Variants in FOXK2 observed in about 807,000 individuals in gnomAD.
The protein encoded by FOXK2 is forkhead box K2.
In FOXK2, 24 loss-of-function variants were observed where a neutral mutation model predicts 53.3. The ratio of observed to expected loss-of-function variants is 0.45; its 90% CI spans 0.33 to 0.63. The LOEUF is 0.63. Ranked by LOEUF, FOXK2 falls within the 30% of genes least tolerant of loss-of-function variation. The probability of loss-of-function intolerance (pLI) is 0.03; values close to 1 mark genes in which losing one functional copy is unlikely to be tolerated. For synonymous variants in FOXK2, 505 were observed against 407.1 expected (o/e 1.24, Z -2.89); for missense variants, 952 against 910.5 (o/e 1.05, Z -0.59).
chr17:82,562,363 G>A (rs980420097), intron 1 of FOXK2, among the ~76,000 whole-genome samples: 1 of 152,172 alleles, frequency 6.6e-6, no homozygotes, highest in Non-Finnish European at 1.5e-5. Flanking sequence ...GGCGGATCAC[G>A]TGAGGTCGCG....
chr17:82,571,610 A>G (rs1051984597), intron 3 of FOXK2, 114 bp from the exon 4 acceptor site: 10 of 1,124,850 alleles, frequency 8.9e-6, no homozygotes, highest in Admixed American at 3.7e-5. Flanking sequence ...CAAAAAAAAG[A>G]CAAATGAGGT....
chr17:82,582,194 A>T (rs1227936954), intron 4 of FOXK2, among the ~76,000 whole-genome samples: 1 of 152,186 alleles, frequency 6.6e-6, no homozygotes, highest in South Asian at 2.1e-4. Context: ...CAGCTAAGTC[A>T]TTGCCTCCAC....
intron 1 of FOXK2, among the ~76,000 whole-genome samples, chr17:82,529,325 C>T (rs922266935): frequency 2.0e-4 from 29 of 144,542 alleles, no homozygotes; most frequent in Non-Finnish European, 1.9e-4. Context: ...CGGGTTCAAG[C>T]GATTCTCCTG....
At chr17:82,592,758 G>A (rs1019918057) in intron 8 of FOXK2, among the ~76,000 whole-genome samples, 4 of 152,234 alleles carry the variant, frequency 2.6e-5, no homozygotes, top group African/African-American at 9.6e-5. Flanking sequence ...CAGCTGTGGC[G>A]CCTGGTGTGA....
intron 8 of FOXK2, chr17:82,593,467 G>T (rs8073640): frequency 0.17 from 25,936 of 152,482 alleles, 2,369 homozygotes; most frequent in Middle Eastern, 0.23. Context: ...CCTGTTCACC[G>T]CGTGCTGTGC....
rs1233582779 is a variant in FOXK2, at chr17:82,520,218, C to T, written c.330C>T (p.Asp110=). The T allele has an allele frequency of 1.5e-6, 2 of 1,325,438 alleles. No homozygotes were observed. The highest frequency in any genetic ancestry group is 3.1e-5 in the African/African-American group (2 of 64,504). 82.1% of individuals were successfully genotyped at this position (1,325,438 alleles called of 1,614,324 possible). ...PAQPRPDAGG[D]FYLRCLGKNG... is the part of the protein sequence containing the mutation. The stretch of plus-strand genomic sequence containing the variant: ...AGCCCAGGCCCGACGCCGGCGGCGA[C>T]TTCTACCTGCGCTGCTTGGGCAAGA... The change falls in exon 1 of 9, where the codon GAC becomes GAT. Residue 110 remains aspartate, a synonymous_variant. Transcript: ENST00000335255.
intron 1 of FOXK2, among the ~76,000 whole-genome samples, chr17:82,528,867 T>A (rs1308872053): frequency 6.6e-6 from 1 of 152,242 alleles, no homozygotes; most frequent in African/African-American, 2.4e-5. Context: ...GTGTTCTTTG[T>A]CCTGTGAAGG....
chr17:82,559,934 G>A (rs1008265146), intron 1 of FOXK2, among the ~76,000 whole-genome samples: 1 of 151,162 alleles, frequency 6.6e-6, no homozygotes, highest in African/African-American at 2.4e-5. Context: ...GTTTGCATCT[G>A]GAAAGTCTAA....
At chr17:82,521,333 C>T (rs113568105) in intron 1 of FOXK2, among the ~76,000 whole-genome samples, 150 of 152,030 alleles carry the variant, frequency 9.9e-4, no homozygotes, top group African/African-American at 3.3e-3. Flanking sequence ...CCACCGCGCC[C>T]GGCTAATTTT....
In FOXK2 at chr17:82,586,340, G is replaced by A. The variant is rs192420523; in HGVS notation, c.1576+140G>A. The A allele has an allele frequency of 8.4e-3, 2,339 of 278,886 alleles. 713 individuals are homozygous for A. The highest frequency in any genetic ancestry group is 0.02 in the East Asian group (283 of 13,936). The allele number at this position is 278,886 out of a possible 1,614,324, so 17.3% of individuals were successfully genotyped here. A position where few individuals can be genotyped will look rare whatever the true frequency, so the allele number is the denominator to read the frequency against. On this transcript the variant is annotated intron_variant, in intron 7 of 8. Transcript: ENST00000335255. ...AGGAGGAGAGGGGAGACCACAGGGAGGTCAAAGGTAGGCGGAGGGGAAAGG... is the reference window on the plus strand; with the variant it reads ...AGGAGGAGAGGGGAGACCACAGGGAAGTCAAAGGTAGGCGGAGGGGAAAGG...
chr17:82,536,489 A>T (rs2044522095), intron 1 of FOXK2, among the ~76,000 whole-genome samples: 1 of 152,200 alleles, frequency 6.6e-6, no homozygotes, highest in Admixed American at 6.5e-5. Flanking sequence ...TTGTTATTGC[A>T]GACTATCTTC....
At chr17:82,591,888 T>C (rs2045256577) in intron 8 of FOXK2, among the ~76,000 whole-genome samples, 1 of 152,204 alleles carries the variant, frequency 6.6e-6, no homozygotes, top group African/African-American at 2.4e-5. Flanking sequence ...GGTTGTGTTT[T>C]TGTCAATGAC....
At chr17:82,572,529 T>G (rs2044930251) in intron 4 of FOXK2, among the ~76,000 whole-genome samples, 1 of 151,800 alleles carries the variant, frequency 6.6e-6, no homozygotes, top group Non-Finnish European at 1.5e-5. Flanking sequence ...CGCTCTGTTA[T>G]GCCAATAATT....
chr17:82,573,651 T>C (rs1194468004), intron 4 of FOXK2, among the ~76,000 whole-genome samples: 1 of 152,030 alleles, frequency 6.6e-6, no homozygotes, highest in African/African-American at 2.4e-5. Context: ...TTTATGGCTT[T>C]GTCAAGGAGA....
intron 1 of FOXK2, among the ~76,000 whole-genome samples, chr17:82,522,331 C>T (rs1440312937): frequency 1.3e-5 from 2 of 151,572 alleles, no homozygotes; most frequent in African/African-American, 2.4e-5. Context: ...CTCACCACTC[C>T]TCCCACATAC....
At chr17:82,598,903 CAG>C (rs1459252693) in intron 8 of FOXK2, 1 of 152,028 alleles carries the variant, frequency 6.6e-6, no homozygotes, top group Non-Finnish European at 1.5e-5. Flanking sequence ...AAACCGACGT[CAG>C]GGAATGTGGG....
chr17:82,544,070 C>T (rs1040125871), intron 1 of FOXK2, among the ~76,000 whole-genome samples: 1 of 152,106 alleles, frequency 6.6e-6, no homozygotes, highest in Admixed American at 6.6e-5. Context: ...GCCACCGTGC[C>T]CAGCCAAGCT....
Position 82,585,899 on chromosome 17 carries a change from A to G in FOXK2, c.1280-5A>G. 1.2e-6 allele frequency: 2 copies of G among 1,604,048 alleles called. No homozygotes were observed. Among genetic ancestry groups the G allele is most frequent in the Non-Finnish European group, 1.7e-6 (2 of 1,173,776 alleles). ...AAGTGTCAGTCCTGCTGTGTCTTTCACCAGGGTCACCTCTGTCCAGTCAGC... is the reference window on the plus strand; with the variant it reads ...AAGTGTCAGTCCTGCTGTGTCTTTCGCCAGGGTCACCTCTGTCCAGTCAGC... On this transcript the variant is annotated splice_polypyrimidine_tract_variant and splice_region_variant and intron_variant, in intron 6 of 8. Transcript: ENST00000335255.
At chr17:82,592,644 T>C (rs2045263705) in intron 8 of FOXK2, among the ~76,000 whole-genome samples, 1 of 152,264 alleles carries the variant, frequency 6.6e-6, no homozygotes, top group South Asian at 2.1e-4. Flanking sequence ...TGCCTAACTC[T>C]GCTCTTCTTC....
Sources: gnomAD v4.1 joint callset for allele counts (sites outside exome capture counted in the v4.1 genomes callset) on GRCh38, gnomAD v4.1.1 for gene constraint, MANE v1.5 for transcripts, NCBI Gene and HGNC (gene_info 2026-07-23, HGNC 2026-07-21) for gene names.